Variants in CEP295 observed in about 807,000 individuals in gnomAD.
The protein encoded by CEP295 is centrosomal protein of 295 kDa.
Under a neutral mutation model 291.6 loss-of-function variants are expected in CEP295, and 190 were observed. That is an observed-to-expected ratio of 0.65 (90% confidence interval 0.58 to 0.73). The LOEUF is 0.73. Among genes scored for constraint, CEP295 ranks in the 30% least tolerant of loss-of-function variants. CEP295 has a pLI of 0.00. For missense variants in CEP295, 2,863 were observed against 2,949.4 expected (o/e 0.97, Z 0.68); for synonymous variants, 993 against 1,038.8 (o/e 0.96, Z 0.85).
chr11:93,669,614 A>T, intron 4 of CEP295, 63 bp from the exon 5 acceptor site: 1 of 1,060,854 alleles, frequency 9.4e-7, no homozygotes, highest in Non-Finnish European at 1.4e-6. Context: ...ACATATTTTT[A>T]ACCCTGTTGT....
chr11:93,669,414 G>GTTT (rs35665508), intron 4 of CEP295, among the ~76,000 whole-genome samples: 7 of 144,866 alleles, frequency 4.8e-5, no homozygotes, highest in Non-Finnish European at 4.5e-5. Context: ...CAACATTTCT[G>GTTT]TTTTTTTTTT....
intron 9 of CEP295, among the ~76,000 whole-genome samples, chr11:93,687,218 A>T (rs2155246): frequency 0.91 from 137,892 of 152,234 alleles, 63,517 homozygotes; most frequent in Non-Finnish European, 0.99. Context: ...TCTGTAGCTC[A>T]CTAAGAAATA....
At position 93,706,772 on chromosome 11, in the gene CEP295, AC is replaced by A. The variant is rs1403232829; in HGVS notation, c.5629del (p.Leu1877CysfsTer5). 6.5e-7 allele frequency: 1 copy of A among 1,545,240 alleles called. No homozygotes were observed. The highest frequency in any genetic ancestry group is 8.7e-7 in the Non-Finnish European group (1 of 1,144,134). On this transcript the variant is annotated frameshift_variant, in exon 18 of 30. Coordinates refer to ENST00000325212, the MANE Select transcript of CEP295 (RefSeq NM_033395.2). LOFTEE classifies it high-confidence loss of function. ...AAACCAGGTATTTATGAAGACAGAG[AC>A]CCCCTGCGAGTCTCAATAAGCCGAG... The part of the protein sequence containing the change: ...LGKPGIYEDR[D>X]PLRVSISREQ...
chr11:93,729,865 C>T lies in CEP295; in HGVS notation c.7568-5C>T. 6.5e-7 allele frequency: 1 copy of T among 1,540,606 alleles called. No homozygotes were observed. Among genetic ancestry groups the T allele is most frequent in the Non-Finnish European group, 8.7e-7 (1 of 1,144,084 alleles). The stretch of plus-strand genomic sequence containing the variant: ...TACAACTTGATTTCACTTTTCTTTC[C>T]TCAGGTTCATCTGTGAGTCGTCTAA... On this transcript the variant is annotated splice_polypyrimidine_tract_variant and splice_region_variant and intron_variant, in intron 27 of 29. Coordinates refer to ENST00000325212, the MANE Select transcript of CEP295 (RefSeq NM_033395.2).
intron 22 of CEP295, among the ~76,000 whole-genome samples, chr11:93,724,979 G>T (rs1954032576): frequency 6.6e-6 from 1 of 152,082 alleles, no homozygotes; most frequent in East Asian, 1.9e-4. Context: ...ATTGGGCCGG[G>T]TGCGGTGGCT....
At chr11:93,712,645 G>T (rs1952982872) in intron 18 of CEP295, among the ~76,000 whole-genome samples, 1 of 152,108 alleles carries the variant, frequency 6.6e-6, no homozygotes, top group Non-Finnish European at 1.5e-5. Flanking sequence ...TTCAGTCTGT[G>T]TTTCTTTATA....
chr11:93,683,738 C>G lies in CEP295; in HGVS notation c.945C>G (p.Asp315Glu), dbSNP rs776768208. The change falls in exon 8 of 30, where the codon GAC becomes GAG. Residue 315 changes from aspartate to glutamate, a missense_variant. Asp to Glu is a conservative substitution (Grantham distance 45). This residue lies in a region of CEP295 where 554 missense variants were observed against 576.0 expected (regional missense o/e 0.96). Coordinates refer to ENST00000325212, the MANE Select transcript of CEP295 (RefSeq NM_033395.2). ...CCTTTGAAGATATGTACAATGCAGA[C>G]AGGAGTAAGATATTTTCAGTAGGGC... ...EFAFEDMYNA[D>E]RKVKGNLILH... 1.3e-6 allele frequency: 2 copies of G among 1,534,370 alleles called. No homozygotes were observed. Among genetic ancestry groups the G allele is most frequent in the Non-Finnish European group, 8.8e-7 (1 of 1,142,822 alleles).
At chr11:93,725,333 G>A (rs1453632610) in intron 22 of CEP295, among the ~76,000 whole-genome samples, 2 of 151,906 alleles carry the variant, frequency 1.3e-5, no homozygotes, top group Admixed American at 1.3e-4. Context: ...GCCATAAAAG[G>A]CTTAATAACA....
At chr11:93,675,362 A>T (rs925860033) in intron 5 of CEP295, among the ~76,000 whole-genome samples, 7 of 152,150 alleles carry the variant, frequency 4.6e-5, no homozygotes, top group Non-Finnish European at 1.0e-4. Context: ...CGACACCTTG[A>T]AGATGATTTG....
At chr11:93,712,473 C>T (rs183366323) in intron 18 of CEP295, among the ~76,000 whole-genome samples, 10 of 152,164 alleles carry the variant, frequency 6.6e-5, no homozygotes, top group East Asian at 1.9e-4. Context: ...AGGCTGGTCT[C>T]GAACTCCTGA....
At chr11:93,676,685 T>C (rs1950710168) in intron 6 of CEP295, among the ~76,000 whole-genome samples, 2 of 152,194 alleles carry the variant, frequency 1.3e-5, no homozygotes, top group South Asian at 4.1e-4. Flanking sequence ...TGTTGCTAAC[T>C]GCTTTACTGT....
intron 1 of CEP295, among the ~76,000 whole-genome samples, chr11:93,666,145 A>G (rs574304590): frequency 5.3e-5 from 8 of 152,320 alleles, no homozygotes; most frequent in Admixed American, 4.6e-4. Context: ...AGTAATTCTG[A>G]TTCAGTCTTC....
intron 18 of CEP295, among the ~76,000 whole-genome samples, chr11:93,709,716 T>C (rs1565201175): frequency 6.6e-6 from 1 of 152,196 alleles, no homozygotes; most frequent in African/African-American, 2.4e-5. Flanking sequence ...GCATTGAATC[T>C]GCAGATTGCT....
At chr11:93,715,001 A>G (rs1351143166) in intron 18 of CEP295, among the ~76,000 whole-genome samples, 2 of 152,112 alleles carry the variant, frequency 1.3e-5, no homozygotes, top group African/African-American at 2.4e-5. Flanking sequence ...CTACCTGCCT[A>G]CCATCTTTGT....
intron 6 of CEP295, 128 bp from the exon 7 acceptor site, chr11:93,679,284 A>G: frequency 1.3e-6 from 1 of 789,350 alleles, no homozygotes; most frequent in Non-Finnish European, 2.0e-6. Flanking sequence ...AATTGTGGAC[A>G]TTTTAAAATA....
At position 93,709,399 on chromosome 11, in the gene CEP295, A is replaced by T. The variant is rs145760826; in HGVS notation, c.5749+2502A>T. 1.4e-3 allele frequency among the ~76,000 whole-genome samples: 211 copies of T among 151,858 alleles called. 1 individual carries two copies. The highest frequency in any genetic ancestry group is 5.0e-3 in the African/African-American group (206 of 41,444). ...CTTCCCAGCACCATTTACTGAAGAGACTCTCTATTCCCCCATGTACGTTCT... is the reference window on the plus strand; with the variant it reads ...CTTCCCAGCACCATTTACTGAAGAGTCTCTCTATTCCCCCATGTACGTTCT... On this transcript the variant is annotated intron_variant, in intron 18 of 29. Transcript: ENST00000325212.
intron 1 of CEP295, among the ~76,000 whole-genome samples, chr11:93,664,898 A>C (rs992708015): frequency 3.9e-5 from 6 of 152,170 alleles, no homozygotes; most frequent in African/African-American, 1.4e-4. Flanking sequence ...TTATTAAAAA[A>C]CCCATAGCCA....
In CEP295 at chr11:93,696,332, C is replaced by G. The variant is rs778714339; in HGVS notation, c.1684C>G (p.Pro562Ala). The change falls in exon 14 of 30, where the codon CCA becomes GCA. Residue 562 changes from proline to alanine, a missense_variant. By Grantham distance (27) the Pro-to-Ala change is conservative (BLOSUM62 -1). Coordinates refer to ENST00000325212, the MANE Select transcript of CEP295 (RefSeq NM_033395.2). ...TGTCTTTTATTAGGTTGGCATTGCTCCAGCATCATGCCCTGTAATTTCTGA... is the reference window on the plus strand; with the variant it reads ...TGTCTTTTATTAGGTTGGCATTGCTGCAGCATCATGCCCTGTAATTTCTGA... Reference protein sequence around the residue: ...KTQPTGVGIAPASCPVISDED... With the variant: ...KTQPTGVGIAAASCPVISDED... The G allele has an allele frequency of 3.7e-5, 58 of 1,547,670 alleles. No individual in the cohort carries two copies. The East Asian group carries it at 1.4e-3, about 37-fold the overall frequency.
At chr11:93,675,420 C>G in intron 5 of CEP295, 151 bp from the exon 6 acceptor site, 1 of 439,644 alleles carries the variant, frequency 2.3e-6, no homozygotes, top group Non-Finnish European at 4.1e-6. Flanking sequence ...AGTAATTTAA[C>G]TCAAAAAATT....
Sources: allele counts gnomAD v4.1 joint callset (sites outside exome capture counted in the v4.1 genomes callset), GRCh38; gene constraint gnomAD v4.1.1; regional missense constraint gnomAD v4.1.1; transcripts MANE v1.5; gene names NCBI Gene and HGNC (gene_info 2026-07-23, HGNC 2026-07-21).